NBAS: variants seen among roughly 807,000 people sequenced by gnomAD.
NBAS encodes NBAS subunit of NRZ tethering complex, also known as NAG/BC035112 fusion.
A neutral mutation model predicts 302.5 loss-of-function variants in NBAS; 219 were observed. That is an observed-to-expected ratio of 0.72 (90% CI 0.65 to 0.81). NBAS has a LOEUF of 0.81. Among genes scored for constraint, NBAS ranks in the 30% least tolerant of loss-of-function variants. NBAS has a pLI of 0.00. For synonymous variants in NBAS, 1,118 were observed against 1,021.6 expected (o/e 1.09, Z -1.80); for missense variants, 2,932 against 2,841.6 (o/e 1.03, Z -0.72).
At chr2:14,916,966 G>A in the NBAS span, among the ~76,000 whole-genome samples, 1 of 152,210 alleles carries the variant, frequency 6.6e-6, no homozygotes, top group African/African-American at 2.4e-5. Flanking sequence ...AACAACACGT[G>A]TGCTTTTTTA....
intron 44 of NBAS, among the ~76,000 whole-genome samples, chr2:15,263,121 A>G (rs183232172): frequency 1.1e-3 from 175 of 152,174 alleles, no homozygotes; most frequent in African/African-American, 3.8e-3. Context: ...CCTTTCTCCA[A>G]TCATCACAAA....
chr2:15,552,068 T>A (rs1470008011), intron 5 of NBAS, among the ~76,000 whole-genome samples: 1 of 152,194 alleles, frequency 6.6e-6, no homozygotes, highest in East Asian at 1.9e-4. Context: ...ATAATTATTA[T>A]AAAATATGTT....
the NBAS span, among the ~76,000 whole-genome samples, chr2:15,007,241 G>A: frequency 2.9e-4 from 44 of 152,276 alleles, no homozygotes; most frequent in Admixed American, 1.3e-3. Flanking sequence ...GCCACTGAGC[G>A]CCACCATGGT....
chr2:15,090,717 C>T, the NBAS span, among the ~76,000 whole-genome samples: 1 of 152,170 alleles, frequency 6.6e-6, no homozygotes, highest in Admixed American at 6.5e-5. Flanking sequence ...TTTATACTGA[C>T]ATTTACACGG....
intron 45 of NBAS, 74 bp downstream of exon 45, chr2:15,238,394 T>C: frequency 1.4e-6 from 2 of 1,454,724 alleles, no homozygotes; most frequent in Non-Finnish European, 9.5e-7. Flanking sequence ...TCAAAACGAC[T>C]AATGTAACTT....
At chr2:15,249,463 A>C (rs545694702) in intron 44 of NBAS, among the ~76,000 whole-genome samples, 1 of 152,330 alleles carries the variant, frequency 6.6e-6, no homozygotes, top group Non-Finnish European at 1.5e-5. Context: ...AGTTCTGGCC[A>C]GGGCAATCAC....
At chr2:14,967,161 T>G in the NBAS span, among the ~76,000 whole-genome samples, 1 of 151,864 alleles carries the variant, frequency 6.6e-6, no homozygotes, top group Non-Finnish European at 1.5e-5. Flanking sequence ...CTTAAATAAA[T>G]GGAGAAACAT....
At chr2:15,218,694 C>T in intron 48 of NBAS, 79 bp downstream of exon 48, 1 of 1,584,762 alleles carries the variant, frequency 6.3e-7, no homozygotes, top group South Asian at 1.1e-5. Context: ...TCCCACAATG[C>T]TGGGATTACA....
intron 30 of NBAS, 61 bp from the exon 31 acceptor site, chr2:15,374,781 A>G: frequency 2.3e-6 from 3 of 1,317,588 alleles, no homozygotes; most frequent in Non-Finnish European, 3.3e-6. Flanking sequence ...TCTATACTCA[A>G]CACCATGAGA....
At chr2:15,020,266 T>C in the NBAS span, among the ~76,000 whole-genome samples, 2 of 152,236 alleles carry the variant, frequency 1.3e-5, no homozygotes, top group Admixed American at 1.3e-4. Context: ...ATTAATAACC[T>C]TTTTAAGAAC....
chr2:14,994,386 T>A, the NBAS span, among the ~76,000 whole-genome samples: 2 of 152,200 alleles, frequency 1.3e-5, no homozygotes, highest in Non-Finnish European at 2.9e-5. Context: ...GCATCCAGTC[T>A]TGCTGAATTT....
the NBAS span, among the ~76,000 whole-genome samples, chr2:14,987,847 T>C: frequency 2.6e-5 from 4 of 152,166 alleles, no homozygotes; most frequent in African/African-American, 9.7e-5. Flanking sequence ...TATTTCGGTA[T>C]ATATTCTTTT....
chr2:15,233,593 C>T (rs1227816037), intron 46 of NBAS, among the ~76,000 whole-genome samples: 1 of 152,060 alleles, frequency 6.6e-6, no homozygotes, highest in African/African-American at 2.4e-5. Flanking sequence ...TGAAAGAGGA[C>T]ACTGGTTCAT....
chr2:15,153,902 C>T, the NBAS span, among the ~76,000 whole-genome samples: 2 of 152,096 alleles, frequency 1.3e-5, no homozygotes, highest in Non-Finnish European at 2.9e-5. Context: ...CTAAACAGTG[C>T]TGTACTAATG....
chr2:14,919,721 A>T, the NBAS span, among the ~76,000 whole-genome samples: 1 of 152,200 alleles, frequency 6.6e-6, no homozygotes, highest in Non-Finnish European at 1.5e-5. Flanking sequence ...CATTTCAAGA[A>T]ACAAATTTCT....
At chr2:15,559,451 A>G (rs1219422123) in intron 1 of NBAS, among the ~76,000 whole-genome samples, 2 of 152,258 alleles carry the variant, frequency 1.3e-5, no homozygotes, top group Non-Finnish European at 1.5e-5. Context: ...GGGTAGGTTC[A>G]TGACGCTAGG....
chr2:15,406,555 T>A (rs559776200), intron 25 of NBAS, among the ~76,000 whole-genome samples: 2 of 152,088 alleles, frequency 1.3e-5, no homozygotes, highest in Non-Finnish European at 2.9e-5. Context: ...ATCGAACAAT[T>A]TGACTACACA....
intron 21 of NBAS, among the ~76,000 whole-genome samples, chr2:15,443,690 T>C (rs1037448169): frequency 6.6e-6 from 1 of 150,496 alleles, no homozygotes; most frequent in African/African-American, 2.5e-5. Context: ...GGGTATTCAA[T>C]TAGGAAAAGA....
At chr2:15,087,075 G>C in the NBAS span, among the ~76,000 whole-genome samples, 612 of 151,586 alleles carry the variant, frequency 4.0e-3, 8 homozygotes, top group Non-Finnish European at 3.1e-3. Flanking sequence ...TTTCAGACTT[G>C]AACTGAAACA....
Sources: gnomAD v4.1 joint callset for allele counts (sites outside exome capture counted in the v4.1 genomes callset) on GRCh38, gnomAD v4.1.1 for gene constraint, MANE v1.5 for transcripts, NCBI Gene and HGNC (gene_info 2026-07-23, HGNC 2026-07-21) for gene names.